Variants in CIB1 observed in about 807,000 individuals in gnomAD.
The protein encoded by CIB1 is calcium and integrin binding 1, also known as calcium and integrin-binding protein 1.
A neutral mutation model predicts 25.0 loss-of-function variants in CIB1; 19 were observed. The observed-to-expected ratio is 0.76, with a 90% confidence interval of 0.53 to 1.12. The LOEUF (loss-of-function observed/expected upper bound fraction) is 1.12, where lower values mean the gene tolerates loss of function less well. Ranked by LOEUF, CIB1 falls within the 50% of genes most tolerant of loss-of-function variation. The pLI is 0.00. For missense variants in CIB1, 236 were observed against 242.6 expected, an observed-to-expected ratio of 0.97 and a Z score of 0.18; for synonymous variants, 104 against 98.5, an observed-to-expected ratio of 1.06 and a Z score of -0.33.
chr15:90,257,791 C>A, the CIB1 span: 1 of 1,488,128 alleles, frequency 6.7e-7, no homozygotes, highest in Non-Finnish European at 9.3e-7. Context: ...GCCCATGAAA[C>A]CAAGCTGGCT....
chr15:90,257,201 C>T, the CIB1 span: 2 of 1,613,846 alleles, frequency 1.2e-6, no homozygotes, highest in Admixed American at 3.3e-5. Context: ...ATCCTGTGAC[C>T]CTCTCCGGAT....
the CIB1 span, chr15:90,250,722 A>G: frequency 6.2e-7 from 1 of 1,614,052 alleles, no homozygotes; most frequent in Non-Finnish European, 8.5e-7. Context: ...GGAGTTACCA[A>G]CCCCTCTAAC....
chr15:90,264,053 C>G, the CIB1 span: 3 of 1,532,568 alleles, frequency 2.0e-6, no homozygotes, highest in Non-Finnish European at 2.6e-6. Context: ...ATCAGGCTCA[C>G]TAGCCGTAAG....
At chr15:90,231,304 C>G in intron 4 of CIB1, 53 bp downstream of exon 4, 3 of 1,609,176 alleles carry the variant, frequency 1.9e-6, no homozygotes, top group Non-Finnish European at 2.6e-6. Flanking sequence ...AGGGCCACCA[C>G]AAAGCCCACG....
chr15:90,235,659 C>T (rs893742466), upstream of CIB1, among the ~76,000 whole-genome samples: 1 of 152,052 alleles, frequency 6.6e-6, no homozygotes, highest in Non-Finnish European at 1.5e-5. Context: ...GCTCCGCCTC[C>T]TGGGTTCACG....
upstream of CIB1, among the ~76,000 whole-genome samples, chr15:90,236,726 CG>C (rs1962643148): frequency 6.6e-6 from 1 of 151,250 alleles, no homozygotes; most frequent in Non-Finnish European, 1.5e-5. Flanking sequence ...TTAGTAGAGA[CG>C]GGGTTTCACC....
the CIB1 span, chr15:90,259,081 G>A: frequency 6.9e-7 from 1 of 1,446,748 alleles, no homozygotes. Context: ...AAAATCACAG[G>A]ACCAGGCTTG....
chr15:90,250,823 G>A, the CIB1 span: 3 of 1,614,170 alleles, frequency 1.9e-6, no homozygotes, highest in South Asian at 2.2e-5. Flanking sequence ...TCCGAAGAAA[G>A]TCATAGCCCC....
the CIB1 span, chr15:90,263,115 C>T: frequency 6.5e-7 from 1 of 1,529,500 alleles, no homozygotes; most frequent in African/African-American, 1.4e-5. Flanking sequence ...ACCCTGGCCC[C>T]CAGGGCCAGA....
At chr15:90,238,798 C>T (rs117113619), upstream of CIB1, among the ~76,000 whole-genome samples, 5 of 152,242 alleles carry the variant, frequency 3.3e-5, no homozygotes, top group East Asian at 9.6e-4. Context: ...ATCTTTGAAA[C>T]CCTGAGCACT....
At position 90,230,245 on chromosome 15, in the gene CIB1, T is replaced by A. The variant is rs899288341; in HGVS notation, c.*239A>T. The A allele has an allele frequency of 5.2e-6, 3 of 578,382 alleles. No individual in the cohort carries two copies. Among genetic ancestry groups the A allele is most frequent in the Non-Finnish European group, 9.3e-6 (3 of 322,352 alleles). 35.8% of individuals were successfully genotyped at this position (578,382 alleles called of 1,614,324 possible). ...ATACCAGTGTATCTCATGTCACACA[T>A]AGGGTCAAACTTCTAAACCTTTATT... On this transcript the variant is annotated 3_prime_UTR_variant, in exon 7 of 7. Coordinates refer to ENST00000328649, the MANE Select transcript of CIB1 (RefSeq NM_006384.4).
rs757511234 is a variant in CIB1 at position 90,230,980 on chromosome 15, GGTT to G, written c.505_507del (p.Asn169del). On this transcript the variant is annotated inframe_deletion, in exon 6 of 7. Coordinates refer to ENST00000328649, the MANE Select transcript of CIB1 (RefSeq NM_006384.4). ...GAGATGACGTGCTGGAACTCAGAGA[GGTT>G]GATGGTTCCATCCCTGTCAATGTCA... is the stretch of plus-strand genomic sequence containing the variant. 6.2e-7 allele frequency: 1 copy of G among 1,614,168 alleles called. No individual in the cohort carries two copies. The highest frequency in any genetic ancestry group is 1.1e-5 in the South Asian group (1 of 91,092).
At chr15:90,265,673 C>T in the CIB1 span, 4 of 1,608,712 alleles carry the variant, frequency 2.5e-6, no homozygotes, top group Admixed American at 3.3e-5. Context: ...ACTTCCGCTG[C>T]TGTTTCGTAG....
the CIB1 span, chr15:90,265,731 C>G: frequency 1.7e-5 from 27 of 1,613,278 alleles, no homozygotes; most frequent in Non-Finnish European, 2.2e-5. Flanking sequence ...TACCCTGAGT[C>G]TCTTGCTGGG....
the CIB1 span, chr15:90,255,668 C>T: frequency 6.3e-7 from 1 of 1,585,828 alleles, no homozygotes; most frequent in Non-Finnish European, 8.6e-7. Flanking sequence ...TTAACCTTCC[C>T]AATCCTCCTC....
chr15:90,252,879 T>C, the CIB1 span, among the ~76,000 whole-genome samples: 1 of 152,036 alleles, frequency 6.6e-6, no homozygotes, highest in Non-Finnish European at 1.5e-5. Flanking sequence ...GGTGGGCGCC[T>C]GTAGTCCCAG....
the CIB1 span, chr15:90,259,176 A>G: frequency 1.6e-6 from 1 of 607,972 alleles, no homozygotes; most frequent in Non-Finnish European, 2.6e-6. Context: ...CAGACTGGGC[A>G]ACATGTGAGA....
At chr15:90,235,369 C>T (rs1451166189), upstream of CIB1, among the ~76,000 whole-genome samples, 2 of 152,142 alleles carry the variant, frequency 1.3e-5, no homozygotes, top group African/African-American at 4.8e-5. Context: ...AGTTCAAGAC[C>T]AGCATGGCCA....
the CIB1 span, among the ~76,000 whole-genome samples, chr15:90,256,542 CCTTT>C: frequency 6.8e-6 from 1 of 146,322 alleles, no homozygotes; most frequent in South Asian, 2.2e-4. Context: ...CTGTCTCCTT[CCTTT>C]TTCTTTCTTT....
Sources: allele counts gnomAD v4.1 joint callset (sites outside exome capture counted in the v4.1 genomes callset), GRCh38; gene constraint gnomAD v4.1.1; transcripts MANE v1.5; gene names NCBI Gene and HGNC (gene_info 2026-07-23, HGNC 2026-07-21).